The following RNF135 variants were observed in gnomAD, a reference collection of about 807,000 sequenced individuals.
The protein encoded by RNF135 is ring finger protein 135, also known as E3 ubiquitin-protein ligase RNF135.
A neutral mutation model predicts 41.9 loss-of-function variants in RNF135; 46 were observed. The ratio of observed to expected loss-of-function variants is 1.10; its 90% CI spans 0.87 to 1.40. RNF135 has a LOEUF of 1.40. RNF135 is among the 40% of genes most tolerant of loss of function. RNF135 has a pLI of 0.00. For synonymous variants in RNF135, 238 were observed against 223.8 expected (o/e 1.06, Z -0.57); for missense variants, 539 against 549.8 (o/e 0.98, Z 0.20).
chr17:30,997,337 T>C lies in RNF135; in HGVS notation c.769+6T>C, dbSNP rs199859937. 7.7e-5 allele frequency: 124 copies of C among 1,612,794 alleles called. 1 individual carries two copies. The highest frequency in any genetic ancestry group is 8.1e-5 in the Non-Finnish European group (95 of 1,178,918). Reference sequence around the variant, plus strand: ...AGCTTCTCGGTTTGCTCAGTGTAAGTATGTGGTCCACTTTAAACATGGGTT... The same window carrying C: ...AGCTTCTCGGTTTGCTCAGTGTAAGCATGTGGTCCACTTTAAACATGGGTT... On this transcript the variant is annotated splice_donor_region_variant and intron_variant, in intron 4 of 4. Coordinates refer to ENST00000328381, the MANE Select transcript of RNF135 (RefSeq NM_032322.4).
In RNF135 at chr17:30,984,712, G is replaced by A. The variant is rs1907461289; in HGVS notation, c.468G>A (p.Arg156=). 1 of 1,614,178 alleles carries A rather than the reference G, an allele frequency of 6.2e-7. No individual in the cohort carries two copies. Among genetic ancestry groups the A allele is most frequent in the Middle Eastern group, 1.7e-4 (1 of 6,060 alleles). ...VDIVRSLQNQ[R]PLSESGPDNE... ...TTGTCAGAAGCCTGCAGAATCAGAG[G>A]CCCCTATCAGAATCTGGACCAGACA... Residue 156 remains arginine, a synonymous_variant, in exon 2 of 5, where the codon AGG becomes AGA. Coordinates refer to ENST00000328381, the MANE Select transcript of RNF135 (RefSeq NM_032322.4).
At chr17:30,984,566 TC>T (rs1269829395) in intron 1 of RNF135, 50 bp from the exon 2 acceptor site, 38 of 1,607,242 alleles carry the variant, frequency 2.4e-5, no homozygotes, top group Non-Finnish European at 3.2e-5. Context: ...TAGTGGTGGT[TC>T]CTGGGTCCAG....
intron 1 of RNF135, chr17:30,978,954 CAGA>C: frequency 4.9e-6 from 1 of 204,856 alleles, no homozygotes; most frequent in Non-Finnish European, 9.4e-6. Context: ...GATCCCAAGG[CAGA>C]AGAATTTTTC....
chr17:30,973,555 C>T (rs137865514), intron 1 of RNF135, among the ~76,000 whole-genome samples: 4,481 of 151,968 alleles, frequency 0.029, 96 homozygotes, highest in Middle Eastern at 0.095. Context: ...GCAGCCTCCA[C>T]CTCCCGGGTT....
intron 1 of RNF135, among the ~76,000 whole-genome samples, chr17:30,984,178 T>C (rs995020919): frequency 2.0e-5 from 3 of 152,236 alleles, no homozygotes; most frequent in African/African-American, 7.2e-5. Flanking sequence ...GTCTCCTTTT[T>C]TCTTTTGTTG....
At position 30,981,496 on chromosome 17, in the gene RNF135, A is replaced by C. The variant is rs891196292; in HGVS notation, c.373-3121A>C. Among the ~76,000 whole-genome samples the C allele has an allele frequency of 1.3e-5, 2 of 152,164 alleles. 1 individual carries two copies. Among genetic ancestry groups the C allele is most frequent in the South Asian group, 4.1e-4 (2 of 4,834 alleles). On this transcript the variant is annotated intron_variant, in intron 1 of 4. Coordinates refer to ENST00000328381, the MANE Select transcript of RNF135 (RefSeq NM_032322.4). ...GTCTCCGAGTTTTCTTAAATCAGCT[A>C]TTTTGAATTCTCTGTCTGAAAGGTC...
the RNF135 span, among the ~76,000 whole-genome samples, chr17:30,960,752 T>A: frequency 6.7e-6 from 1 of 149,794 alleles, no homozygotes; most frequent in African/African-American, 2.4e-5. Context: ...TTATTTTTTT[T>A]TTTTTGAGAC....
chr17:30,965,619 G>A, the RNF135 span: 1 of 152,114 alleles, frequency 6.6e-6, no homozygotes, highest in Non-Finnish European at 1.5e-5. Context: ...ATCACCCAAC[G>A]GGTTCTTCCT....
chr17:30,983,413 G>C (rs1313332396), intron 1 of RNF135, among the ~76,000 whole-genome samples: 1 of 136,004 alleles, frequency 7.4e-6, no homozygotes, highest in African/African-American at 2.7e-5. Flanking sequence ...GAATGCAGTG[G>C]CATGATCTTG....
chr17:30,992,657 G>A (rs2142727031), intron 3 of RNF135, among the ~76,000 whole-genome samples: 1 of 152,134 alleles, frequency 6.6e-6, no homozygotes, highest in East Asian at 1.9e-4. Flanking sequence ...GGTAGAGACA[G>A]AGTTTTGCTA....
At chr17:30,996,115 G>T (rs1344371169) in intron 3 of RNF135, among the ~76,000 whole-genome samples, 13 of 142,284 alleles carry the variant, frequency 9.1e-5, no homozygotes, top group African/African-American at 3.2e-4. Flanking sequence ...TTTTGAGATG[G>T]AGTCTCACTC....
intron 1 of RNF135, among the ~76,000 whole-genome samples, chr17:30,976,217 G>A (rs1158880884): frequency 9.2e-5 from 14 of 152,130 alleles, no homozygotes; most frequent in Admixed American, 9.2e-4. Flanking sequence ...TGTTGGCCAG[G>A]ATGGTCTTGA....
rs1216923226 is a variant in RNF135, at chr17:30,986,156, G to GC, written c.516+1402dup. Among the ~76,000 whole-genome samples the GC allele has an allele frequency of 2.6e-5, 4 of 151,648 alleles. No individual in the cohort carries two copies. In the South Asian group the frequency reaches 8.3e-4, roughly 32 times the overall value. On this transcript the variant is annotated intron_variant, in intron 2 of 4. Coordinates refer to ENST00000328381, the MANE Select transcript of RNF135 (RefSeq NM_032322.4). ...TGTGCCATACTCTATATTAATGTCTGCCCCCCTCCCTTTTCCTTCACTGGA... is the reference window on the plus strand; with the variant it reads ...TGTGCCATACTCTATATTAATGTCTGCCCCCCCTCCCTTTTCCTTCACTGGA...
At chr17:30,997,436 C>A (rs1463661670) in intron 4 of RNF135, 105 bp downstream of exon 4, 1 of 983,106 alleles carries the variant, frequency 1.0e-6, no homozygotes, top group Admixed American at 1.9e-5. Context: ...CCTTGGCTTA[C>A]TGCACATGGA....
At chr17:30,967,190 A>G (rs1486404146), upstream of RNF135, among the ~76,000 whole-genome samples, 1 of 152,020 alleles carries the variant, frequency 6.6e-6, no homozygotes, top group Non-Finnish European at 1.5e-5. Context: ...CACCATGCCC[A>G]GCTAATTTTT....
At chr17:30,971,750 A>G in intron 1 of RNF135, 1 of 1,259,196 alleles carries the variant, frequency 7.9e-7, no homozygotes, top group Non-Finnish European at 1.0e-6. Flanking sequence ...AATTGTGGTA[A>G]GATCTATATA....
At chr17:30,975,324 C>T (rs1906347572) in intron 1 of RNF135, 1 of 671,642 alleles carries the variant, frequency 1.5e-6, no homozygotes, top group Non-Finnish European at 2.7e-6. Context: ...TCCTGTTTCC[C>T]CTTAAAAAAA....
chr17:30,970,992 G>A (rs987751761), upstream of RNF135: 8 of 1,519,250 alleles, frequency 5.3e-6, no homozygotes, highest in Admixed American at 7.9e-5. Flanking sequence ...GGAGGGCAAG[G>A]GGAAGAGGAA....
In RNF135 at chr17:30,971,166, C is replaced by T. The variant is rs1276325324; in HGVS notation, c.93C>T (p.Pro31=). 1 of 1,531,556 alleles carries T rather than the reference C, an allele frequency of 6.5e-7. No homozygotes were observed. The highest frequency in any genetic ancestry group is 8.7e-7 in the Non-Finnish European group (1 of 1,144,988). The allele number at this position is 1,531,556 out of a possible 1,614,324, so 94.9% of individuals were successfully genotyped here. Residue 31 remains proline (P), a synonymous_variant, in exon 1 of 5, where the codon CCC becomes CCT. Transcript: ENST00000328381. Reference sequence around the variant, plus strand: ...TCTGCCAGGGGCTGCTGGACTGGCCCGCCACGCTGCCCTGCGGCCACAGCT... The same window carrying T: ...TCTGCCAGGGGCTGCTGGACTGGCCTGCCACGCTGCCCTGCGGCCACAGCT... ...CIICQGLLDW[P]ATLPCGHSFC...
Sources: gnomAD v4.1 joint callset for allele counts (sites outside exome capture counted in the v4.1 genomes callset) on GRCh38, gnomAD v4.1.1 for gene constraint, MANE v1.5 for transcripts, NCBI Gene and HGNC (gene_info 2026-07-23, HGNC 2026-07-21) for gene names.